SLC1A3: variants seen among roughly 807,000 people sequenced by gnomAD.
The protein encoded by SLC1A3 is excitatory amino acid transporter 1.
In SLC1A3, 21 loss-of-function variants were observed where a neutral mutation model predicts 48.1. That is an observed-to-expected ratio of 0.44 (90% CI 0.31 to 0.63). SLC1A3 has a LOEUF of 0.63. Among genes scored for constraint, SLC1A3 ranks in the 20% least tolerant of loss-of-function variants. SLC1A3 has a pLI of 0.08. For missense variants in SLC1A3, 546 were observed against 689.0 expected (o/e 0.79, Z 2.32); for synonymous variants, 239 against 251.4 (o/e 0.95, Z 0.47).
At chr5:36,616,820 T>C (rs999954039) in intron 2 of SLC1A3, among the ~76,000 whole-genome samples, 2 of 152,238 alleles carry the variant, frequency 1.3e-5, no homozygotes, top group Admixed American at 1.3e-4. Flanking sequence ...TTGATGAATG[T>C]GAAGAGAAAC....
chr5:36,601,981 C>T (rs1738813936), upstream of SLC1A3, among the ~76,000 whole-genome samples: 2 of 152,092 alleles, frequency 1.3e-5, no homozygotes, highest in South Asian at 4.1e-4. Flanking sequence ...AGGCCCTGCC[C>T]TCAAAGACCC....
intron 3 of SLC1A3, among the ~76,000 whole-genome samples, chr5:36,633,776 A>C (rs916210324): frequency 6.6e-6 from 1 of 152,220 alleles, no homozygotes; most frequent in African/African-American, 2.4e-5. Context: ...ATTTTCCATC[A>C]TAGGTACCAT....
intron 4 of SLC1A3, among the ~76,000 whole-genome samples, chr5:36,672,821 T>C (rs114301696): frequency 0.012 from 1,782 of 152,328 alleles, 45 homozygotes; most frequent in African/African-American, 0.041. Flanking sequence ...ATTCAATAGC[T>C]ATGTTTTTAT....
intron 5 of SLC1A3, among the ~76,000 whole-genome samples, chr5:36,675,245 C>A (rs539998419): frequency 8.5e-6 from 1 of 117,128 alleles, no homozygotes; most frequent in East Asian, 2.6e-4. Context: ...AAACCAAATT[C>A]TTTCTTTAAA....
chr5:36,634,144 C>T (rs376255148), intron 3 of SLC1A3, among the ~76,000 whole-genome samples: 22 of 152,096 alleles, frequency 1.4e-4, no homozygotes, highest in African/African-American at 4.6e-4. Context: ...GGAGTGGTGG[C>T]GTGTGCCTGT....
At chr5:36,600,387 A>T (rs1487131667) in intron 1 of SLC1A3, among the ~76,000 whole-genome samples, 1 of 152,006 alleles carries the variant, frequency 6.6e-6, no homozygotes, top group African/African-American at 2.4e-5. Flanking sequence ...TATTTGCCCA[A>T]CCTTGCACCA....
intron 4 of SLC1A3, among the ~76,000 whole-genome samples, chr5:36,673,351 T>A (rs1035996706): frequency 1.3e-5 from 2 of 152,130 alleles, no homozygotes; most frequent in African/African-American, 4.8e-5. Flanking sequence ...AAATGAGACA[T>A]AAATGGGTGC....
intron 3 of SLC1A3, 64 bp from the exon 4 acceptor site, chr5:36,670,965 A>G (rs1741966492): frequency 5.0e-6 from 7 of 1,407,696 alleles, no homozygotes; most frequent in South Asian, 3.5e-5. Context: ...TGCTGTTCCC[A>G]TTGTTTTCCA....
At chr5:36,640,851 C>G (rs904888221) in intron 3 of SLC1A3, among the ~76,000 whole-genome samples, 6 of 151,910 alleles carry the variant, frequency 3.9e-5, no homozygotes, top group Non-Finnish European at 7.4e-5. Flanking sequence ...GCCACCCCCA[C>G]CTACACCCAC....
chr5:36,648,720 G>C lies in SLC1A3; in HGVS notation c.319+19133G>C, dbSNP rs531383701. 6.6e-5 allele frequency among the ~76,000 whole-genome samples: 10 copies of C among 152,220 alleles called. No homozygotes were observed. In the East Asian group the frequency reaches 1.2e-3, roughly 18 times the overall value. ...GAAAAGGCTTTTTTAGGCATCAACAGGTCATTAAAGATAGCACATCTCACC... is the reference window on the plus strand; with the variant it reads ...GAAAAGGCTTTTTTAGGCATCAACACGTCATTAAAGATAGCACATCTCACC... On this transcript the variant is annotated intron_variant, in intron 3 of 9. Coordinates refer to ENST00000265113, the MANE Select transcript of SLC1A3 (RefSeq NM_004172.5).
intron 2 of SLC1A3, among the ~76,000 whole-genome samples, chr5:36,625,723 G>T (rs574689304): frequency 6.6e-6 from 1 of 152,238 alleles, no homozygotes; most frequent in East Asian, 1.9e-4. Flanking sequence ...CAAAACTTTT[G>T]ACCTAAAACT....
At chr5:36,674,651 T>C (rs534076100) in intron 5 of SLC1A3, among the ~76,000 whole-genome samples, 2 of 152,330 alleles carry the variant, frequency 1.3e-5, no homozygotes, top group African/African-American at 2.4e-5. Context: ...TAAATATCAT[T>C]GTCTTCATTT....
In SLC1A3 at chr5:36,608,392, G is replaced by A. The variant is rs777920119; in HGVS notation, c.-32G>A. ...GTGGGTGATTCCCAGACACTGAAGT[G>A]CAAAGAAGAGACCCTCCTAGAAAAG... On this transcript the variant is annotated 5_prime_UTR_variant, in exon 2 of 10. Transcript: ENST00000265113. 6.2e-7 allele frequency: 1 copy of A among 1,609,874 alleles called. No individual in the cohort carries two copies.
At chr5:36,596,658 A>G (rs1738743280) in exon 1 of SLC1A3, among the ~76,000 whole-genome samples, 1 of 152,206 alleles carries the variant, frequency 6.6e-6, no homozygotes, top group Non-Finnish European at 1.5e-5. Context: ...GACTCCAGCT[A>G]CCCTGTGCAG....
At chr5:36,644,741 T>C (rs1740766388) in intron 3 of SLC1A3, among the ~76,000 whole-genome samples, 1 of 152,200 alleles carries the variant, frequency 6.6e-6, no homozygotes, top group Non-Finnish European at 1.5e-5. Context: ...CTGCTCCCTA[T>C]CCTAAATTTT....
intron 2 of SLC1A3, among the ~76,000 whole-genome samples, chr5:36,610,424 G>A (rs944296243): frequency 3.3e-5 from 5 of 152,020 alleles, no homozygotes; most frequent in East Asian, 3.8e-4. Context: ...GATCCTATAC[G>A]TATAATAAAT....
At chr5:36,656,771 A>G (rs984830237) in intron 3 of SLC1A3, among the ~76,000 whole-genome samples, 3 of 152,336 alleles carry the variant, frequency 2.0e-5, no homozygotes, top group African/African-American at 7.2e-5. Context: ...CATTCATTCA[A>G]CAAAGCTATA....
intron 6 of SLC1A3, among the ~76,000 whole-genome samples, chr5:36,679,045 T>G (rs1173048121): frequency 6.6e-6 from 1 of 152,188 alleles, no homozygotes; most frequent in African/African-American, 2.4e-5. Context: ...TATGAAGATA[T>G]GGAAAGGCAA....
At chr5:36,615,921 C>T (rs1008627089) in intron 2 of SLC1A3, among the ~76,000 whole-genome samples, 4 of 152,178 alleles carry the variant, frequency 2.6e-5, no homozygotes, top group African/African-American at 4.8e-5. Flanking sequence ...ATTTTGTCTG[C>T]GTGCAGTGGC....
Sources: allele counts gnomAD v4.1 joint callset (sites outside exome capture counted in the v4.1 genomes callset), GRCh38; gene constraint gnomAD v4.1.1; transcripts MANE v1.5; gene names NCBI Gene and HGNC (gene_info 2026-07-23, HGNC 2026-07-21).